GADL1: variants seen among roughly 807,000 people sequenced by gnomAD.
GADL1 encodes the protein GAD like acidic amino acid decarboxylase 1.
A neutral mutation model predicts 69.5 loss-of-function variants in GADL1; 71 were observed. That is an observed-to-expected ratio of 1.02 (90% CI 0.84 to 1.25). The LOEUF is 1.25. Among genes scored for constraint, GADL1 ranks in the 50% most tolerant of loss-of-function variants. The pLI is 0.00. For synonymous variants in GADL1, 254 were observed against 214.4 expected (o/e 1.18, Z -1.62); for missense variants, 737 against 631.8 (o/e 1.17, Z -1.79).
chr3:30,791,667 T>C lies in GADL1; in HGVS notation c.1251-5261A>G, dbSNP rs115517956. 6.8e-3 allele frequency among the ~76,000 whole-genome samples: 1,036 copies of C among 151,612 alleles called. 3 individuals are homozygous for C. The highest frequency in any genetic ancestry group is 8.8e-3 in the Non-Finnish European group (596 of 67,824). ...ATCTGGGCTTTGTGTTGGGGTAATG[T>C]TCCTATCGCAGTCACTTTCAGAGCC... is the stretch of plus-strand genomic sequence containing the variant. On this transcript the variant is annotated intron_variant, in intron 12 of 14. Coordinates refer to ENST00000282538, the MANE Select transcript of GADL1 (RefSeq NM_207359.3).
intron 1 of GADL1, among the ~76,000 whole-genome samples, chr3:30,892,389 G>A (rs957434351): frequency 3.9e-5 from 6 of 152,168 alleles, no homozygotes; most frequent in African/African-American, 1.4e-4. Context: ...CTGACAGATA[G>A]TTGTCTTGTA....
chr3:30,753,300 TTTGA>T (rs148400521), intron 14 of GADL1, among the ~76,000 whole-genome samples: 3,148 of 152,290 alleles, frequency 0.021, 108 homozygotes, highest in African/African-American at 0.072. Context: ...CATTTATTCC[TTTGA>T]TTCAGAAATT....
intron 11 of GADL1, among the ~76,000 whole-genome samples, chr3:30,804,574 C>T (rs1326183122): frequency 2.1e-5 from 3 of 143,546 alleles, no homozygotes; most frequent in Admixed American, 1.4e-4. Context: ...TCTTACTTAT[C>T]TGACTATTCT....
At chr3:30,767,819 C>T (rs962547179) in intron 14 of GADL1, among the ~76,000 whole-genome samples, 1 of 152,032 alleles carries the variant, frequency 6.6e-6, no homozygotes, top group African/African-American at 2.4e-5. Context: ...TATTTGCATT[C>T]CATGCTACAA....
chr3:30,747,487 T>C (rs13085035), intron 14 of GADL1, among the ~76,000 whole-genome samples: 33,217 of 152,170 alleles, frequency 0.22, 4,387 homozygotes, highest in Non-Finnish European at 0.29. Context: ...TTAGCAATTT[T>C]GGTAAAGGAT....
In GADL1 at chr3:30,765,186, C is replaced by T. The variant is rs144702981; in HGVS notation, c.1392+12993G>A. ...AAAATGTTCATCTCCCCTAACATGT[C>T]TTCCTTAAGCTGTCCTTATCCCGAA... On this transcript the variant is annotated intron_variant, in intron 14 of 14. Coordinates refer to ENST00000282538, the MANE Select transcript of GADL1 (RefSeq NM_207359.3). Among the ~76,000 whole-genome samples the T allele has an allele frequency of 6.5e-4, 99 of 152,284 alleles. No homozygotes were observed. The Middle Eastern group carries it at 0.014, about 21-fold the overall frequency.
chr3:30,861,651 T>C lies in GADL1; in HGVS notation c.152A>G (p.Glu51Gly), dbSNP rs1328784751. 2 of 1,550,366 alleles carry C rather than the reference T, an allele frequency of 1.3e-6. No individual in the cohort carries two copies. The highest frequency in any genetic ancestry group is 1.7e-6 in the Non-Finnish European group (2 of 1,146,068). ...CTCTTCCATTATTAGCCTACAGGCC[T>C]CTTCAACAAATTTTTCTCCAGCTTT... ...DAKAGEKFVEEACRLIMEEVV... is the reference protein window; with the variant it reads ...DAKAGEKFVEGACRLIMEEVV... Residue 51 changes from glutamate to glycine, a missense_variant, in exon 2 of 15, where the codon GAG (glutamate) becomes GGG (glycine). By Grantham distance (98) the Glu-to-Gly change is moderately conservative. Coordinates refer to ENST00000282538, the MANE Select transcript of GADL1 (RefSeq NM_207359.3).
chr3:30,762,183 C>CTCTAACAG (rs532826649), intron 14 of GADL1, among the ~76,000 whole-genome samples: 138 of 152,214 alleles, frequency 9.1e-4, no homozygotes, highest in Non-Finnish European at 1.6e-3. Context: ...TATGCAAGGC[C>CTCTAACAG]TCTAACAGTG....
intron 11 of GADL1, among the ~76,000 whole-genome samples, chr3:30,816,282 G>T (rs1227359846): frequency 6.6e-6 from 1 of 152,074 alleles, no homozygotes; most frequent in African/African-American, 2.4e-5. Context: ...TTTCATGAGA[G>T]AAACAGTAGG....
intron 14 of GADL1, among the ~76,000 whole-genome samples, chr3:30,744,482 G>A (rs1431820498): frequency 2.6e-5 from 4 of 152,150 alleles, no homozygotes; most frequent in Non-Finnish European, 4.4e-5. Flanking sequence ...AGGCTGATGG[G>A]AGAGGGTCAT....
chr3:30,804,606 T>G (rs1283851981), intron 11 of GADL1, among the ~76,000 whole-genome samples: 1 of 152,226 alleles, frequency 6.6e-6, no homozygotes, highest in Non-Finnish European at 1.5e-5. Flanking sequence ...AGCAAGAATC[T>G]TGTTAGATGT....
chr3:30,850,906 A>G lies in GADL1; in HGVS notation c.464T>C (p.Val155Ala), dbSNP rs1361974702. The change falls in exon 5 of 15, where the codon GTG becomes GCG. Residue 155 changes from valine to alanine, a missense_variant. Transcript: ENST00000282538. ...CATTTTCTTCAGAACCGCTTCTTCC[A>G]CTAACAGAAACACTGGGGACACCTC... ...TYEVSPVFLL[V>A]EEAVLKKMIE... 1 of 1,549,742 alleles carries G rather than the reference A, an allele frequency of 6.5e-7. No homozygotes were observed. Among genetic ancestry groups the G allele is most frequent in the Non-Finnish European group, 8.7e-7 (1 of 1,145,380 alleles).
intron 14 of GADL1, among the ~76,000 whole-genome samples, chr3:30,741,016 T>G (rs1695615059): frequency 9.3e-6 from 1 of 107,322 alleles, no homozygotes; most frequent in Non-Finnish European, 1.9e-5. Flanking sequence ...TATTATATAT[T>G]ATATAATATA....
intron 11 of GADL1, among the ~76,000 whole-genome samples, chr3:30,826,080 C>T (rs894922682): frequency 2.6e-5 from 4 of 151,868 alleles, no homozygotes; most frequent in African/African-American, 4.8e-5. Context: ...TTTTCTTTTA[C>T]GTTCATTCCA....
chr3:30,838,379 C>T (rs914784401), intron 9 of GADL1, among the ~76,000 whole-genome samples: 6 of 152,010 alleles, frequency 3.9e-5, no homozygotes, highest in East Asian at 1.9e-4. Flanking sequence ...TTTGAATAAC[C>T]GCAGGACTTA....
At chr3:30,755,846 A>G (rs1193956850) in intron 14 of GADL1, among the ~76,000 whole-genome samples, 2 of 151,714 alleles carry the variant, frequency 1.3e-5, no homozygotes, top group South Asian at 4.1e-4. Flanking sequence ...CCAAGAGGTC[A>G]TCATTTGCAT....
chr3:30,863,003 C>T (rs1303456475), intron 1 of GADL1, among the ~76,000 whole-genome samples: 1 of 151,074 alleles, frequency 6.6e-6, no homozygotes, highest in African/African-American at 2.4e-5. Context: ...AAGAGATCTT[C>T]GTAAACATAA....
At chr3:30,758,461 C>T (rs1410472565) in intron 14 of GADL1, among the ~76,000 whole-genome samples, 1 of 152,000 alleles carries the variant, frequency 6.6e-6, no homozygotes, top group Non-Finnish European at 1.5e-5. Flanking sequence ...AATGATTGTG[C>T]TTGAGAACTT....
chr3:30,846,837 C>T (rs1032905045), intron 6 of GADL1, among the ~76,000 whole-genome samples: 5 of 152,150 alleles, frequency 3.3e-5, no homozygotes, highest in Non-Finnish European at 7.4e-5. Flanking sequence ...CCTCAGCCCT[C>T]ACCCAGCAAT....
Sources: allele counts gnomAD v4.1 joint callset (sites outside exome capture counted in the v4.1 genomes callset), GRCh38; gene constraint gnomAD v4.1.1; transcripts MANE v1.5; gene names NCBI Gene and HGNC (gene_info 2026-07-23, HGNC 2026-07-21).